TES: variants seen among roughly 807,000 people sequenced by gnomAD.
TES encodes the protein testin LIM domain protein, also known as testin.
TES carries 41 observed loss-of-function variants against 48.2 expected under a neutral mutation model. The observed-to-expected ratio is 0.85, with a 90% CI of 0.66 to 1.10. TES has a LOEUF of 1.10. TES is among the 50% of genes least tolerant of loss of function. The pLI is 0.00. For synonymous variants in TES, 162 were observed against 174.9 expected (o/e 0.93, Z 0.58); for missense variants, 463 against 515.1 (o/e 0.90, Z 0.98).
At chr7:116,256,203 C>G (rs1461136224) in intron 6 of TES, among the ~76,000 whole-genome samples, 1 of 152,132 alleles carries the variant, frequency 6.6e-6, no homozygotes, top group African/African-American at 2.4e-5. Context: ...TATAACCAGG[C>G]CTCACTTCAC....
At chr7:116,222,686 C>G (rs1351153737) in intron 1 of TES, 1 of 152,162 alleles carries the variant, frequency 6.6e-6, no homozygotes, top group Non-Finnish European at 1.5e-5. Context: ...CCTTTAGAAG[C>G]AGCTGTGGAG....
chr7:116,228,008 G>GTTTTTTTTTTT (rs77777605), intron 1 of TES, among the ~76,000 whole-genome samples: 6 of 122,936 alleles, frequency 4.9e-5, no homozygotes, highest in East Asian at 2.6e-4. Context: ...TCTTTTTTTT[G>GTTTTTTTTTTT]TTTTTTTTTT....
intron 2 of TES, among the ~76,000 whole-genome samples, chr7:116,245,795 T>C (rs1397338786): frequency 6.6e-6 from 1 of 152,194 alleles, no homozygotes; most frequent in Non-Finnish European, 1.5e-5. Flanking sequence ...AGAGATTTAA[T>C]TGACTTACAG....
chr7:116,257,363 C>T lies in TES; in HGVS notation c.1147C>T (p.His383Tyr). Residue 383 changes from histidine to tyrosine, a missense_variant, in exon 7 of 7, where the codon CAT becomes TAT. His to Tyr is a moderately conservative substitution (Grantham distance 83). Coordinates refer to ENST00000358204, the MANE Select transcript of TES (RefSeq NM_015641.4). ...QRVTYNNFSW[H>Y]ASTECFLCSC... is the part of the protein sequence containing the mutation. ...GGTGACCTATAACAATTTCAGCTGG[C>T]ATGCATCCACAGAGTGCTTTCTGTG... The T allele has an allele frequency of 6.2e-7, 1 of 1,613,990 alleles. No homozygotes were observed. The highest frequency in any genetic ancestry group is 8.5e-7 in the Non-Finnish European group (1 of 1,179,962).
chr7:116,231,070 T>A (rs1799693822), intron 1 of TES, among the ~76,000 whole-genome samples: 1 of 152,178 alleles, frequency 6.6e-6, no homozygotes. Context: ...AGAGCTCCCA[T>A]TTGACACGCT....
rs1799965932 is a variant in TES at position 116,249,125 on chromosome 7, C to A, written c.219C>A (p.Thr73=). ...VGKLFEDTKY[T]TLIAKLKSDG... ...AACTTTTTGAAGACACCAAGTATAC[C>A]ACTCTGATTGCAAAACTAAAGTCAG... Residue 73 remains threonine, a synonymous_variant, in exon 3 of 7, where the codon ACC becomes ACA. Coordinates refer to ENST00000358204, the MANE Select transcript of TES (RefSeq NM_015641.4). 6.2e-7 allele frequency: 1 copy of A among 1,614,022 alleles called. No homozygotes were observed. The highest frequency in any genetic ancestry group is 8.5e-7 in the Non-Finnish European group (1 of 1,179,954).
At chr7:116,253,414 T>C (rs1241305222) in intron 6 of TES, among the ~76,000 whole-genome samples, 1 of 152,172 alleles carries the variant, frequency 6.6e-6, no homozygotes, top group African/African-American at 2.4e-5. Context: ...ACCATTCTAC[T>C]TTAGACCTTT....
intron 3 of TES, 69 bp downstream of exon 3, chr7:116,249,341 G>C (rs774539572): frequency 4.4e-6 from 7 of 1,578,320 alleles, no homozygotes; most frequent in Non-Finnish European, 6.1e-6. Context: ...CAGTTTCTTT[G>C]ATGACCTAAT....
rs201365363 is a variant in TES, at chr7:116,257,404, A to G, written c.1188A>G (p.Lys396=). ...TECFLCSCCS[K]CLIGQKFMPV... ...GCTTTCTGTGCTCTTGCTGCAGCAA[A>G]TGCCTCATTGGGCAGAAGTTCATGC... The change falls in exon 7 of 7, where the codon AAA becomes AAG. Residue 396 remains lysine, a synonymous_variant. Coordinates refer to ENST00000358204, the MANE Select transcript of TES (RefSeq NM_015641.4). The G allele has an allele frequency of 1.9e-5, 30 of 1,614,076 alleles. No individual in the cohort carries two copies. Among genetic ancestry groups the G allele is most frequent in the Non-Finnish European group, 2.5e-6 (3 of 1,180,000 alleles).
chr7:116,251,700 GAA>G, intron 4 of TES, 58 bp from the exon 5 acceptor site: 1 of 1,388,994 alleles, frequency 7.2e-7, no homozygotes, highest in Non-Finnish European at 1.0e-6. Context: ...AAAAAAGAAA[GAA>G]AGAAAAGAAA....
chr7:116,231,555 TG>T (rs1799700851), intron 1 of TES, among the ~76,000 whole-genome samples: 1 of 151,960 alleles, frequency 6.6e-6, no homozygotes, highest in Non-Finnish European at 1.5e-5. Context: ...CCACTGGAGG[TG>T]GGGGGCGGTC....
At chr7:116,218,780 G>A (rs889868011) in intron 1 of TES, among the ~76,000 whole-genome samples, 1 of 151,904 alleles carries the variant, frequency 6.6e-6, no homozygotes, top group African/African-American at 2.4e-5. Context: ...TGACATAAGT[G>A]CTATAATACA....
intron 1 of TES, among the ~76,000 whole-genome samples, chr7:116,214,030 CT>C (rs1218876179): frequency 6.6e-6 from 1 of 152,024 alleles, no homozygotes; most frequent in African/African-American, 2.4e-5. Flanking sequence ...AATAATTTCC[CT>C]TTTACTGCCT....
chr7:116,234,136 T>TGTTTGATGTAAA (rs1197547352), intron 1 of TES, among the ~76,000 whole-genome samples: 1 of 152,118 alleles, frequency 6.6e-6, no homozygotes, highest in Admixed American at 6.5e-5. Context: ...TTTAATTCCT[T>TGTTTGATGTAAA]GTTTGATGTA....
intron 1 of TES, among the ~76,000 whole-genome samples, chr7:116,231,122 C>T (rs947376084): frequency 2.0e-5 from 3 of 152,154 alleles, no homozygotes; most frequent in Non-Finnish European, 4.4e-5. Context: ...GAGCCAGATG[C>T]TGAGTTTTAG....
chr7:116,242,628 A>T (rs893289223), intron 2 of TES, among the ~76,000 whole-genome samples: 33 of 152,186 alleles, frequency 2.2e-4, no homozygotes, highest in African/African-American at 7.7e-4. Context: ...ACAACAAACT[A>T]AAATCTATAA....
intron 2 of TES, chr7:116,239,296 A>ATC (rs1173981960): frequency 2.0e-5 from 3 of 152,274 alleles, no homozygotes; most frequent in African/African-American, 7.2e-5. Context: ...TCACATGATT[A>ATC]GAGTAGGCAC....
In TES at chr7:116,234,604, A is replaced by T. The variant is rs371143692; in HGVS notation, c.98A>T (p.Glu33Val). Residue 33 changes from glutamate to valine, a missense_variant, in exon 2 of 7, where the codon GAA becomes GTA. Coordinates refer to ENST00000358204, the MANE Select transcript of TES (RefSeq NM_015641.4). ...LKCKEKCEGF[E>V]LHFWRKICRN... ...TGCAAAGAAAAATGTGAAGGATTCG[A>T]ACTGCACTTCTGGAGGTATTGTTTT... 6.1e-5 allele frequency: 99 copies of T among 1,613,742 alleles called. No homozygotes were observed. Among genetic ancestry groups the T allele is most frequent in the Non-Finnish European group, 6.5e-5 (77 of 1,179,812 alleles).
intron 1 of TES, among the ~76,000 whole-genome samples, chr7:116,211,788 T>G (rs1234006234): frequency 7.1e-6 from 1 of 140,602 alleles, no homozygotes; most frequent in Non-Finnish European, 1.6e-5. Context: ...AATTCTATTT[T>G]ATGCCCAGAA....
Sources: allele counts gnomAD v4.1 joint callset (sites outside exome capture counted in the v4.1 genomes callset), GRCh38; gene constraint gnomAD v4.1.1; transcripts MANE v1.5; gene names NCBI Gene and HGNC (gene_info 2026-07-23, HGNC 2026-07-21).